Variants in PNLIP observed in about 807,000 individuals in gnomAD.
The protein encoded by PNLIP is pancreatic triacylglycerol lipase.
A neutral mutation model predicts 57.1 loss-of-function variants in PNLIP; 49 were observed. That is an observed-to-expected ratio of 0.86 (90% confidence interval 0.68 to 1.09). The LOEUF (loss-of-function observed/expected upper bound fraction) is 1.09. Ranked by LOEUF, PNLIP falls within the 50% of genes least tolerant of loss-of-function variation. PNLIP has a pLI of 0.00. For synonymous variants in PNLIP, 209 were observed against 200.4 expected, an observed-to-expected ratio of 1.04 and a Z score of -0.36; for missense variants, 503 against 570.2, an observed-to-expected ratio of 0.88 and a Z score of 1.20.
At chr10:116,549,665 CCTCCAAAATAATTTAAAG>C (rs1400223982) in intron 4 of PNLIP, among the ~76,000 whole-genome samples, 3 of 152,030 alleles carry the variant, frequency 2.0e-5, no homozygotes. Context: ...CACAACTTGT[CCTCCAAAATAATTTAAAG>C]CTGATGATTA....
intron 4 of PNLIP, among the ~76,000 whole-genome samples, chr10:116,549,444 A>G (rs1194524160): frequency 6.6e-6 from 1 of 151,858 alleles, no homozygotes; most frequent in Non-Finnish European, 1.5e-5. Context: ...GTGCCACTGC[A>G]CTCCAGCCTG....
chr10:116,560,304 C>CAT, intron 10 of PNLIP, 112 bp from the exon 11 acceptor site: 2 of 605,084 alleles, frequency 3.3e-6, no homozygotes, highest in Non-Finnish European at 5.9e-6. Context: ...CACACACACA[C>CAT]ACACAATTAT....
chr10:116,559,288 GT>G lies in PNLIP; in HGVS notation c.1060+8del. The G allele has an allele frequency of 1.2e-6, 2 of 1,605,776 alleles. No individual in the cohort carries two copies. The highest frequency in any genetic ancestry group is 1.7e-6 in the Non-Finnish European group (2 of 1,174,068). On this transcript the variant is annotated splice_donor_region_variant and intron_variant, in intron 10 of 12. Transcript: ENST00000369221. ...GTGATGCCAGTAATTTTGCACGTAAGTTTCTGTTTTCTGTATCTTATATTCT... is the reference window on the plus strand; with the variant it reads ...GTGATGCCAGTAATTTTGCACGTAAGTTCTGTTTTCTGTATCTTATATTCT...
chr10:116,555,365 C>T (rs370711333), intron 7 of PNLIP, 23 bp from the exon 8 acceptor site: 2 of 1,613,982 alleles, frequency 1.2e-6, no homozygotes, highest in African/African-American at 1.3e-5. Context: ...AGCATAAACC[C>T]TCATGTATTT....
chr10:116,554,083 G>A (rs1250608770), intron 6 of PNLIP, among the ~76,000 whole-genome samples: 1 of 152,124 alleles, frequency 6.6e-6, no homozygotes, highest in African/African-American at 2.4e-5. Flanking sequence ...TGGGCCCCAT[G>A]ATCAGAAATC....
intron 12 of PNLIP, among the ~76,000 whole-genome samples, chr10:116,565,167 G>A (rs540365496): frequency 5.2e-5 from 7 of 133,510 alleles, no homozygotes; most frequent in Non-Finnish European, 1.1e-4. Flanking sequence ...GGAGAATGGC[G>A]TGAACCCGGG....
intron 5 of PNLIP, among the ~76,000 whole-genome samples, chr10:116,552,022 C>T (rs1047878522): frequency 6.6e-6 from 1 of 152,156 alleles, no homozygotes; most frequent in Admixed American, 6.5e-5. Flanking sequence ...TTCCTATTGC[C>T]TTGTGACCTA....
intron 12 of PNLIP, among the ~76,000 whole-genome samples, chr10:116,566,456 G>A (rs1049238809): frequency 2.6e-5 from 4 of 152,056 alleles, no homozygotes; most frequent in Non-Finnish European, 4.4e-5. Flanking sequence ...GAAAATTGGG[G>A]GATGATAGAT....
rs764079631 is a variant in PNLIP at position 116,560,508 on chromosome 10, C to A, written c.1153C>A (p.Gln385Lys). The A allele has an allele frequency of 2.6e-6, 4 of 1,540,378 alleles. No individual in the cohort carries two copies. Among genetic ancestry groups the A allele is most frequent in the Non-Finnish European group, 3.6e-6 (4 of 1,123,268 alleles). ...GTTCGGAAATAAAGGAAACTCTAAGCAGTATGAAATTTTCAAGTGAGTAAA... is the reference window on the plus strand; with the variant it reads ...GTTCGGAAATAAAGGAAACTCTAAGAAGTATGAAATTTTCAAGTGAGTAAA... The part of the protein sequence containing the change: ...SLFGNKGNSK[Q>K]YEIFKGTLKP... The change falls in exon 11 of 13, where the codon CAG becomes AAG. Residue 385 changes from glutamine (Q) to lysine (K), a missense_variant. Physicochemically the swap from Gln to Lys is moderately conservative, Grantham distance 53. Transcript: ENST00000369221.
chr10:116,554,554 T>C (rs968920872), intron 6 of PNLIP, among the ~76,000 whole-genome samples: 49 of 152,332 alleles, frequency 3.2e-4, no homozygotes, highest in African/African-American at 1.1e-3. Flanking sequence ...ATAAGAAAGA[T>C]GCTACCATCC....
rs539414951 is a variant in PNLIP, at chr10:116,562,321, C to T, written c.1334+685C>T. Among the ~76,000 whole-genome samples, 4 of 152,274 alleles carry T rather than the reference C, an allele frequency of 2.6e-5. No individual in the cohort carries two copies. In the South Asian group the frequency reaches 8.3e-4, roughly 32 times the overall value. On this transcript the variant is annotated intron_variant, in intron 12 of 12. Coordinates refer to ENST00000369221, the MANE Select transcript of PNLIP (RefSeq NM_000936.4). ...GAGTAACAGAGCCCAGATTTACTGGCCTGACTGAAATAACCAAAATTCAAA... is the reference window on the plus strand; with the variant it reads ...GAGTAACAGAGCCCAGATTTACTGGTCTGACTGAAATAACCAAAATTCAAA...
chr10:116,559,429 G>T, intron 10 of PNLIP, 146 bp downstream of exon 10: 1 of 624,622 alleles, frequency 1.6e-6, no homozygotes, highest in East Asian at 2.8e-5. Flanking sequence ...CTATGTTCAA[G>T]GTAATTATAG....
intron 4 of PNLIP, among the ~76,000 whole-genome samples, chr10:116,550,128 G>A (rs1207048890): frequency 7.6e-6 from 1 of 131,106 alleles, no homozygotes; most frequent in African/African-American, 2.9e-5. Flanking sequence ...GCGCGATCTT[G>A]GCTCACTGCA....
rs773010578 is a variant in PNLIP, at chr10:116,555,288, C to T, written c.682C>T (p.Pro228Ser). 8 of 1,613,976 alleles carry T rather than the reference C, an allele frequency of 5.0e-6. No homozygotes were observed. The change falls in exon 7 of 13, where the codon CCC (proline) becomes TCC (serine). Residue 228 changes from proline to serine, a missense_variant. By Grantham distance (74) the Pro-to-Ser change is moderately conservative (BLOSUM62 -1). Coordinates refer to ENST00000369221, the MANE Select transcript of PNLIP (RefSeq NM_000936.4). ...TCACACGGATGGTGCCCCCATAGTC[C>T]CCAATTTGGGTGAGTTCCTCAACCC... Reference protein sequence around the residue: ...VIHTDGAPIVPNLGFGMSQVV... With the variant: ...VIHTDGAPIVSNLGFGMSQVV...
intron 7 of PNLIP, 45 bp downstream of exon 7, chr10:116,555,342 G>A (rs1847241476): frequency 6.2e-7 from 1 of 1,614,134 alleles, no homozygotes; most frequent in Admixed American, 1.7e-5. Flanking sequence ...TAGTGTCTGA[G>A]TCTATATACA....
intron 12 of PNLIP, among the ~76,000 whole-genome samples, chr10:116,563,125 A>G (rs1443917554): frequency 2.0e-5 from 3 of 152,140 alleles, no homozygotes; most frequent in Admixed American, 6.5e-5. Context: ...CAGTTCTTAA[A>G]CCTGTATCCA....
chr10:116,546,365 A>G (rs1198592068), intron 2 of PNLIP, among the ~76,000 whole-genome samples: 1 of 152,186 alleles, frequency 6.6e-6, no homozygotes, highest in Non-Finnish European at 1.5e-5. Flanking sequence ...TTTCCCACAA[A>G]CAACAAATAT....
At chr10:116,550,531 T>C (rs964331219) in intron 4 of PNLIP, among the ~76,000 whole-genome samples, 1 of 152,228 alleles carries the variant, frequency 6.6e-6, no homozygotes, top group African/African-American at 2.4e-5. Context: ...AACTCTTTAG[T>C]GATGTACAAT....
At chr10:116,553,128 CAG>C (rs1378381688) in intron 5 of PNLIP, among the ~76,000 whole-genome samples, 1 of 152,136 alleles carries the variant, frequency 6.6e-6, no homozygotes, top group Non-Finnish European at 1.5e-5. Context: ...TTTTTTCAGA[CAG>C]AGTCTTGCTC....
Sources: allele counts gnomAD v4.1 joint callset (sites outside exome capture counted in the v4.1 genomes callset), GRCh38; gene constraint gnomAD v4.1.1; transcripts MANE v1.5; gene names NCBI Gene and HGNC (gene_info 2026-07-23, HGNC 2026-07-21).